TCF7L2: variants seen among roughly 807,000 people sequenced by gnomAD.
The protein encoded by TCF7L2 is transcription factor 7 like 2, also known as transcription factor 7-like 2.
Under a neutral mutation model 77.9 loss-of-function variants are expected in TCF7L2, and 23 were observed. That is an observed-to-expected ratio of 0.30 (90% CI 0.21 to 0.42). The LOEUF is 0.42. TCF7L2 is among the 10% of genes least tolerant of loss of function. The pLI, the probability that TCF7L2 is intolerant of heterozygous loss-of-function variation, is 1.00. For missense variants in TCF7L2, 654 were observed against 793.1 expected, an observed-to-expected ratio of 0.82 and a Z score of 2.11; for synonymous variants, 413 against 340.2, an observed-to-expected ratio of 1.21 and a Z score of -2.36.
intron 5 of TCF7L2, among the ~76,000 whole-genome samples, chr10:113,119,759 T>C (rs534183438): frequency 6.7e-4 from 102 of 152,234 alleles, no homozygotes; most frequent in African/African-American, 2.4e-3. Flanking sequence ...TTTGTGTGTA[T>C]AATTATGGAT....
chr10:113,138,463 G>A lies in TCF7L2; in HGVS notation c.553-2721G>A, dbSNP rs115211877. On this transcript the variant is annotated intron_variant, in intron 5 of 13. Transcript: ENST00000627217. ...CAGTTAACTCCATTATTGCCCAAAC[G>A]CTATCTTCCTCTTTTGTTGTAAAGT... 2.5e-3 allele frequency among the ~76,000 whole-genome samples: 380 copies of A among 152,146 alleles called. 2 individuals are homozygous for A. Among genetic ancestry groups the A allele is most frequent in the African/African-American group, 8.5e-3 (354 of 41,492 alleles).
chr10:113,154,907 G>A (rs1046464090), intron 11 of TCF7L2, among the ~76,000 whole-genome samples: 1 of 151,798 alleles, frequency 6.6e-6, no homozygotes, highest in Non-Finnish European at 1.5e-5. Context: ...CCTTTTATGC[G>A]CTAGGGAACA....
intron 5 of TCF7L2, among the ~76,000 whole-genome samples, chr10:113,101,713 GCCGC>G (rs2061655860): frequency 6.7e-6 from 1 of 149,686 alleles, no homozygotes; most frequent in Non-Finnish European, 1.5e-5. Context: ...CATGGTGGCG[GCCGC>G]CTGTAGTCCC....
chr10:112,964,799 G>GTGA (rs1564719233), intron 4 of TCF7L2, among the ~76,000 whole-genome samples, 175 bp downstream of exon 4: 5 of 135,630 alleles, frequency 3.7e-5, no homozygotes, highest in African/African-American at 1.6e-4. Context: ...GGTGATGGTG[G>GTGA]TGGTGGTGGT....
At chr10:113,022,234 G>A (rs1234401077) in intron 4 of TCF7L2, among the ~76,000 whole-genome samples, 3 of 152,200 alleles carry the variant, frequency 2.0e-5, no homozygotes, top group Non-Finnish European at 4.4e-5. Flanking sequence ...GTGACCCCCT[G>A]TTTCGTGGGA....
chr10:113,107,640 G>A (rs1438158632), intron 5 of TCF7L2, among the ~76,000 whole-genome samples: 1 of 151,564 alleles, frequency 6.6e-6, no homozygotes, highest in African/African-American at 2.4e-5. Context: ...CTACTTGGGA[G>A]GCTGAGGCAG....
intron 5 of TCF7L2, among the ~76,000 whole-genome samples, chr10:113,082,402 T>C (rs1228275007): frequency 1.3e-5 from 2 of 152,176 alleles, no homozygotes; most frequent in African/African-American, 4.8e-5. Context: ...AAAAATCTTA[T>C]TTCCAATTTC....
chr10:113,119,670 GTT>G (rs35269627), intron 5 of TCF7L2, among the ~76,000 whole-genome samples: 86 of 142,476 alleles, frequency 6.0e-4, no homozygotes, highest in African/African-American at 1.4e-3. Flanking sequence ...CCCTTAAGGT[GTT>G]TTTTTTTTTA....
intron 5 of TCF7L2, among the ~76,000 whole-genome samples, chr10:113,085,663 G>T (rs976316803): frequency 2.0e-5 from 3 of 152,156 alleles, no homozygotes; most frequent in African/African-American, 4.8e-5. Context: ...GATCCACGTG[G>T]CTGTGTTCAG....
chr10:113,087,214 C>T (rs2059927539), intron 5 of TCF7L2, among the ~76,000 whole-genome samples: 1 of 152,150 alleles, frequency 6.6e-6, no homozygotes, highest in South Asian at 2.1e-4. Flanking sequence ...CCATAATGTA[C>T]AATTTCCTCT....
intron 5 of TCF7L2, among the ~76,000 whole-genome samples, chr10:113,044,646 C>T (rs1324593181): frequency 6.6e-6 from 1 of 152,164 alleles, no homozygotes; most frequent in Non-Finnish European, 1.5e-5. Flanking sequence ...GCGGGGATTA[C>T]AGGCCTGGGC....
chr10:113,043,607 C>G (rs1483652709), intron 5 of TCF7L2, among the ~76,000 whole-genome samples: 1 of 152,098 alleles, frequency 6.6e-6, no homozygotes, highest in South Asian at 2.1e-4. Flanking sequence ...TCTTCCTTCC[C>G]CATACTCCCC....
intron 13 of TCF7L2, among the ~76,000 whole-genome samples, chr10:113,164,935 T>C (rs1001029806): frequency 1.3e-5 from 2 of 152,186 alleles, no homozygotes; most frequent in African/African-American, 4.8e-5. Flanking sequence ...GTTAAAACCT[T>C]TAAGCCTCTT....
chr10:112,964,740 T>C, intron 4 of TCF7L2, 116 bp downstream of exon 4: 1 of 661,296 alleles, frequency 1.5e-6, no homozygotes, highest in East Asian at 5.9e-5. Context: ...ATGATGATGA[T>C]GGTGGTGGTG....
intron 4 of TCF7L2, among the ~76,000 whole-genome samples, chr10:113,012,728 C>T (rs2046665565): frequency 6.6e-6 from 1 of 152,182 alleles, no homozygotes; most frequent in African/African-American, 2.4e-5. Flanking sequence ...CCATTCATTT[C>T]TGTAGCTTCC....
At chr10:113,073,470 A>G (rs922216408) in intron 5 of TCF7L2, among the ~76,000 whole-genome samples, 12 of 133,940 alleles carry the variant, frequency 9.0e-5, no homozygotes, top group Non-Finnish European at 1.6e-4. Context: ...GTTTCAGACT[A>G]GGCTGGGCAA....
intron 5 of TCF7L2, among the ~76,000 whole-genome samples, chr10:113,073,377 AGT>A (rs554748370): frequency 3.0e-4 from 46 of 151,602 alleles, no homozygotes; most frequent in African/African-American, 1.0e-3. Context: ...TGATCACCAA[AGT>A]GTTTGGATTT....
chr10:113,044,576 C>CA (rs370421617), intron 5 of TCF7L2, among the ~76,000 whole-genome samples: 2 of 152,150 alleles, frequency 1.3e-5, no homozygotes, highest in African/African-American at 4.8e-5. Context: ...CAGGTGCCCT[C>CA]AAAGAGTAGG....
At chr10:113,141,632 C>T (rs979183686) in intron 6 of TCF7L2, among the ~76,000 whole-genome samples, 4 of 152,158 alleles carry the variant, frequency 2.6e-5, no homozygotes, top group Admixed American at 6.5e-5. Context: ...TCAGGAGTGG[C>T]TTTTAACTCT....
Sources: gnomAD v4.1 joint callset for allele counts (sites outside exome capture counted in the v4.1 genomes callset) on GRCh38, gnomAD v4.1.1 for gene constraint, MANE v1.5 for transcripts, NCBI Gene and HGNC (gene_info 2026-07-23, HGNC 2026-07-21) for gene names.